The following GRM5 variants were observed in gnomAD, a reference collection of about 807,000 sequenced individuals.
The protein encoded by GRM5 is glutamate metabotropic receptor 5.
GRM5 carries 19 observed loss-of-function variants against 83.1 expected under a neutral mutation model. The observed-to-expected ratio is 0.23, with a 90% CI of 0.16 to 0.34. The LOEUF (loss-of-function observed/expected upper bound fraction) is 0.34, where lower values mean the gene tolerates loss of function less well. GRM5 is among the 10% of genes least tolerant of loss of function. GRM5 has a pLI of 1.00. For synonymous variants in GRM5, 675 were observed against 633.6 expected (o/e 1.07, Z -0.98); for missense variants, 1,160 against 1,588.3 (o/e 0.73, Z 4.58).
intron 3 of GRM5, among the ~76,000 whole-genome samples, chr11:88,659,830 T>C (rs574320849): frequency 1.3e-5 from 2 of 152,294 alleles, no homozygotes; most frequent in South Asian, 2.1e-4. Context: ...TGCCAAATAA[T>C]TTAAAAATCT....
chr11:88,953,980 T>C (rs1161439077), intron 2 of GRM5, among the ~76,000 whole-genome samples: 1 of 152,256 alleles, frequency 6.6e-6, no homozygotes, highest in African/African-American at 2.4e-5. Flanking sequence ...TTATGTTTTA[T>C]GTTAACACGT....
At chr11:88,916,170 C>T (rs1945588018) in intron 2 of GRM5, among the ~76,000 whole-genome samples, 1 of 152,122 alleles carries the variant, frequency 6.6e-6, no homozygotes, top group East Asian at 1.9e-4. Flanking sequence ...GAACAACTGT[C>T]TACATAAGAA....
chr11:88,919,598 A>C (rs556259934), intron 2 of GRM5, among the ~76,000 whole-genome samples: 1 of 151,972 alleles, frequency 6.6e-6, no homozygotes, highest in African/African-American at 2.4e-5. Flanking sequence ...CAGAATATAC[A>C]TTCTTTTCCT....
At chr11:88,677,103 G>T (rs1940349931) in intron 3 of GRM5, among the ~76,000 whole-genome samples, 1 of 151,918 alleles carries the variant, frequency 6.6e-6, no homozygotes, top group African/African-American at 2.4e-5. Flanking sequence ...TTTCATATTT[G>T]TATTTATGTT....
chr11:88,986,512 GTTTAT>G (rs1341612878), intron 2 of GRM5, among the ~76,000 whole-genome samples: 1 of 151,804 alleles, frequency 6.6e-6, no homozygotes, highest in Non-Finnish European at 1.5e-5. Flanking sequence ...GGGAAAAAAT[GTTTAT>G]TCAACTCTTT....
intron 2 of GRM5, among the ~76,000 whole-genome samples, chr11:88,999,474 A>C (rs1256121611): frequency 6.6e-6 from 1 of 152,202 alleles, no homozygotes; most frequent in Non-Finnish European, 1.5e-5. Flanking sequence ...GCAGCCAAAA[A>C]ACACATGAAA....
chr11:88,515,745 C>T (rs972330478), intron 9 of GRM5, among the ~76,000 whole-genome samples: 4 of 152,090 alleles, frequency 2.6e-5, no homozygotes, highest in Non-Finnish European at 5.9e-5. Flanking sequence ...TGATTTTTAC[C>T]AGCAATTACT....
At chr11:88,684,515 G>T (rs1017396804) in intron 3 of GRM5, among the ~76,000 whole-genome samples, 1 of 152,206 alleles carries the variant, frequency 6.6e-6, no homozygotes, top group Non-Finnish European at 1.5e-5. Flanking sequence ...GTTATAAATA[G>T]AGAGGAGCAA....
intron 7 of GRM5, among the ~76,000 whole-genome samples, chr11:88,570,920 T>G (rs919100284): frequency 9.2e-5 from 14 of 152,136 alleles, no homozygotes; most frequent in East Asian, 3.9e-4. Context: ...GATTTGACAA[T>G]AAAATTTATT....
chr11:88,519,823 C>T (rs1040494656), intron 9 of GRM5, among the ~76,000 whole-genome samples: 3 of 152,098 alleles, frequency 2.0e-5, no homozygotes, highest in Non-Finnish European at 4.4e-5. Flanking sequence ...AGAGCACATG[C>T]TAAAATTTAT....
intron 2 of GRM5, among the ~76,000 whole-genome samples, chr11:88,990,349 C>T (rs1338258404): frequency 6.6e-6 from 1 of 151,772 alleles, no homozygotes; most frequent in East Asian, 1.9e-4. Flanking sequence ...ATAACAGGAT[C>T]TGAAATTGTG....
At chr11:88,513,416 T>G (rs1941435201) in intron 9 of GRM5, among the ~76,000 whole-genome samples, 1 of 152,206 alleles carries the variant, frequency 6.6e-6, no homozygotes, top group South Asian at 2.1e-4. Context: ...TTTAAAATAA[T>G]TCAGTGTTAA....
At chr11:88,700,581 A>C (rs1427423462) in intron 3 of GRM5, among the ~76,000 whole-genome samples, 1 of 96,872 alleles carries the variant, frequency 1.0e-5, no homozygotes, top group African/African-American at 2.6e-5. Flanking sequence ...GACTGAAATC[A>C]AAAGTATTTT....
intron 3 of GRM5, among the ~76,000 whole-genome samples, chr11:88,705,231 C>T (rs565799109): frequency 1.4e-4 from 21 of 152,156 alleles, no homozygotes; most frequent in African/African-American, 4.6e-4. Flanking sequence ...AATCACCTGA[C>T]GAGCTTGAAG....
intron 3 of GRM5, among the ~76,000 whole-genome samples, chr11:88,747,985 C>T (rs11021156): frequency 0.06 from 9,139 of 152,064 alleles, 456 homozygotes; most frequent in Admixed American, 0.16. Flanking sequence ...ACAACCTGAC[C>T]CACGAAGAAG....
At chr11:88,719,583 TG>T (rs1941485455) in intron 3 of GRM5, among the ~76,000 whole-genome samples, 1 of 152,086 alleles carries the variant, frequency 6.6e-6, no homozygotes, top group South Asian at 2.1e-4. Context: ...TACCCAGTAA[TG>T]GGATTGCTGC....
chr11:88,829,155 A>G (rs1230476249), intron 3 of GRM5, among the ~76,000 whole-genome samples: 2 of 143,134 alleles, frequency 1.4e-5, no homozygotes, highest in African/African-American at 5.5e-5. Context: ...ATAATAGAAA[A>G]ACAATGTAAT....
chr11:89,035,825 A>G (rs1015701892), intron 2 of GRM5, among the ~76,000 whole-genome samples: 2 of 152,050 alleles, frequency 1.3e-5, no homozygotes, highest in Non-Finnish European at 2.9e-5. Flanking sequence ...CTAATGCAGC[A>G]ATTAAATGTA....
intron 2 of GRM5, among the ~76,000 whole-genome samples, chr11:89,037,015 A>T (rs1252596502): frequency 6.6e-6 from 1 of 152,110 alleles, no homozygotes; most frequent in African/African-American, 2.4e-5. Context: ...CACTCAGAGA[A>T]TAGTGGAAGA....
Sources: allele counts gnomAD v4.1 joint callset (sites outside exome capture counted in the v4.1 genomes callset), GRCh38; gene constraint gnomAD v4.1.1; transcripts MANE v1.5; gene names NCBI Gene and HGNC (gene_info 2026-07-23, HGNC 2026-07-21).